The following GSE1 variants were observed in gnomAD, a reference collection of about 807,000 sequenced individuals.
The protein encoded by GSE1 is Gse1 coiled-coil protein, also known as genetic suppressor element 1.
GSE1 carries 32 observed loss-of-function variants against 112.6 expected under a neutral mutation model. The observed-to-expected ratio is 0.28, with a 90% CI of 0.21 to 0.38. GSE1 has a LOEUF of 0.38. GSE1 is among the 10% of genes least tolerant of loss of function. The pLI, the probability that GSE1 is intolerant of heterozygous loss-of-function variation, is 1.00. For synonymous variants in GSE1, 1,115 were observed against 735.6 expected, an observed-to-expected ratio of 1.52 and a Z score of -8.35; for missense variants, 2,348 against 1,699.2, an observed-to-expected ratio of 1.38 and a Z score of -6.71.
intron 2 of GSE1, among the ~76,000 whole-genome samples, chr16:85,439,181 G>T (rs1443443389): frequency 6.6e-6 from 1 of 152,242 alleles, no homozygotes; most frequent in Non-Finnish European, 1.5e-5. Context: ...CCCTCACCCG[G>T]CACTGACCTG....
intron 2 of GSE1, among the ~76,000 whole-genome samples, chr16:85,635,510 C>G (rs999004693): frequency 2.0e-5 from 3 of 148,804 alleles, no homozygotes; most frequent in Admixed American, 6.7e-5. Context: ...CCTGGACTCT[C>G]TGGGGCGGTG....
chr16:85,304,601 C>G lies in GSE1; in HGVS notation c.2284-52862C>G, dbSNP rs865929640. Among the ~76,000 whole-genome samples the G allele has an allele frequency of 3.6e-4, 28 of 78,184 alleles. 1 individual carries two copies. Among genetic ancestry groups the G allele is most frequent in the African/African-American group, 4.9e-4 (11 of 22,350 alleles). The allele number at this position is 78,184 out of a possible 152,430, so 51.3% of individuals were successfully genotyped here. ...TGCATGGCAGCTGCCAAGCCGGGGG[C>G]GGGGGGGTGGGGCATCCCTTTTGCC... On this transcript the variant is annotated intron_variant, in intron 1 of 2. Coordinates refer to the GSE1 transcript ENST00000637419.
intron 1 of GSE1, among the ~76,000 whole-genome samples, chr16:85,316,047 C>T (rs1187874766): frequency 6.6e-6 from 1 of 152,208 alleles, no homozygotes; most frequent in African/African-American, 2.4e-5. Flanking sequence ...TCGAATGTCC[C>T]ACCCGATGGA....
chr16:85,597,373 CAAAAAAA>C (rs1165062872), intron 1 of GSE1, among the ~76,000 whole-genome samples: 10 of 31,850 alleles, frequency 3.1e-4, no homozygotes, highest in South Asian at 1.3e-3. Context: ...GACTCTGTCT[CAAAAAAA>C]AAAAAAAAAA....
chr16:85,251,200 G>C (rs1906439140), intron 1 of GSE1, among the ~76,000 whole-genome samples: 1 of 152,220 alleles, frequency 6.6e-6, no homozygotes, highest in Non-Finnish European at 1.5e-5. Context: ...CTCCGTGTGT[G>C]AGTGCTCTCC....
Position 85,311,046 on chromosome 16 carries a change from G to T in GSE1, c.2284-46417G>T, listed in dbSNP as rs2045828840. On this transcript the variant is annotated intron_variant, in intron 1 of 2. Transcript: ENST00000637419. The surrounding 1 kb of genome is among the most constrained non-coding windows in gnomAD (Gnocchi z 4.2). ...CGCCTTTCCGCGGCCGTCAGCAATG[G>T]CCATGGCTCTGTCAAGAAGGATTAT... Among the ~76,000 whole-genome samples the T allele has an allele frequency of 6.6e-6, 1 of 152,236 alleles. No homozygotes were observed. The highest frequency in any genetic ancestry group is 2.1e-4 in the South Asian group (1 of 4,828).
chr16:85,598,287 C>G (rs1303308725), intron 1 of GSE1, among the ~76,000 whole-genome samples: 2 of 151,306 alleles, frequency 1.3e-5, no homozygotes, highest in Non-Finnish European at 2.9e-5. Context: ...TGTGCTGTGC[C>G]TGGGTTTGCC....
At chr16:85,515,612 G>T (rs958455571) in intron 2 of GSE1, among the ~76,000 whole-genome samples, 1 of 151,470 alleles carries the variant, frequency 6.6e-6, no homozygotes, top group African/African-American at 2.4e-5. Context: ...AGTTTTCTGT[G>T]TGGGGGGAGA....
At chr16:85,403,259 C>G (rs551478919) in intron 2 of GSE1, among the ~76,000 whole-genome samples, 1 of 152,160 alleles carries the variant, frequency 6.6e-6, no homozygotes, top group African/African-American at 2.4e-5. Context: ...CAGTCTGTAA[C>G]CGACACCGGA....
intron 2 of GSE1, among the ~76,000 whole-genome samples, chr16:85,400,829 G>A (rs1479765365): frequency 6.9e-6 from 1 of 145,080 alleles, no homozygotes; most frequent in African/African-American, 2.5e-5. Flanking sequence ...GTGATTATGT[G>A]TTTGCGTGTG....
At chr16:85,653,470 G>A (rs947485136) in intron 3 of GSE1, among the ~76,000 whole-genome samples, 5 of 150,624 alleles carry the variant, frequency 3.3e-5, no homozygotes, top group Non-Finnish European at 5.9e-5. Flanking sequence ...ACCTCAGCCC[G>A]GAAGGTGGGC....
intron 1 of GSE1, among the ~76,000 whole-genome samples, chr16:85,203,021 T>G (rs987590289): frequency 1.4e-5 from 2 of 139,786 alleles, no homozygotes; most frequent in Admixed American, 7.4e-5. Context: ...CCAGAACATC[T>G]GTGTGTTCCT....
Position 85,539,605 on chromosome 16 carries a change from GGTT to G in GSE1, c.2465-94305_2465-94303del, listed in dbSNP as rs113715431. 7.9e-4 allele frequency among the ~76,000 whole-genome samples: 120 copies of G among 152,272 alleles called. 1 individual carries two copies. Among genetic ancestry groups the G allele is most frequent in the African/African-American group, 2.7e-3 (113 of 41,528 alleles). ...TTTTGCAATAGTCATTACACCTCTG[GGTT>G]GTTTTTCTCCACTGTTGGAGGCCGT... On this transcript the variant is annotated intron_variant, in intron 2 of 2. Coordinates refer to the GSE1 transcript ENST00000637419.
At chr16:85,220,635 TGCTG>T (rs2075374562) in intron 1 of GSE1, among the ~76,000 whole-genome samples, 1 of 151,698 alleles carries the variant, frequency 6.6e-6, no homozygotes, top group Non-Finnish European at 1.5e-5. Context: ...TGCTGCCCGC[TGCTG>T]CCCGCTTGCC....
At chr16:85,560,128 C>CTTTTTTTTT (rs377241566) in intron 1 of GSE1, among the ~76,000 whole-genome samples, 290 of 99,152 alleles carry the variant, frequency 2.9e-3, no homozygotes, top group South Asian at 4.3e-3. Context: ...TCTTCTTCTT[C>CTTTTTTTTT]TTTTTTTTTT....
chr16:85,628,661 C>G (rs1294380345), intron 1 of GSE1, among the ~76,000 whole-genome samples: 2 of 152,196 alleles, frequency 1.3e-5, no homozygotes, highest in Admixed American at 6.5e-5. Context: ...GTTGGCGGTG[C>G]TGACTTCGTG....
At position 85,231,246 on chromosome 16, in the gene GSE1, G is replaced by A. The variant is rs571797492; in HGVS notation, c.2283+59439G>A. On this transcript the variant is annotated intron_variant, in intron 1 of 2. Coordinates refer to the GSE1 transcript ENST00000637419. ...ATGGATGATGATGGATGGATAGCTG[G>A]ACAGAGGGATGGATGGATGGACAGA... Among the ~76,000 whole-genome samples the A allele has an allele frequency of 8.6e-5, 13 of 151,538 alleles. No individual in the cohort carries two copies. In the South Asian group the frequency reaches 2.7e-3, roughly 32 times the overall value.
At chr16:85,441,302 C>G (rs1003494086) in intron 2 of GSE1, among the ~76,000 whole-genome samples, 3 of 152,158 alleles carry the variant, frequency 2.0e-5, no homozygotes, top group African/African-American at 7.2e-5. Context: ...TGCCATTTGT[C>G]CGCTGGGGGG....
At chr16:85,640,213 G>A (rs1014616760) in intron 2 of GSE1, among the ~76,000 whole-genome samples, 7 of 151,992 alleles carry the variant, frequency 4.6e-5, no homozygotes, top group Admixed American at 1.3e-4. Context: ...TCACCAGCCC[G>A]GTGGCCGGGA....
Sources: allele counts gnomAD v4.1 joint callset (sites outside exome capture counted in the v4.1 genomes callset), GRCh38; gene constraint gnomAD v4.1.1; non-coding constraint Gnocchi (gnomAD v3.1); transcripts MANE v1.5; gene names NCBI Gene and HGNC (gene_info 2026-07-23, HGNC 2026-07-21).